The following SNRNP40 variants were observed in gnomAD, a reference collection of about 807,000 sequenced individuals.
The protein encoded by SNRNP40 is small nuclear ribonucleoprotein U5 subunit 40.
Under a neutral mutation model 45.8 loss-of-function variants are expected in SNRNP40, and 21 were observed. The observed-to-expected ratio is 0.46, with a 90% CI of 0.32 to 0.66. The LOEUF (loss-of-function observed/expected upper bound fraction) is 0.66, where lower values mean the gene tolerates loss of function less well. Among genes scored for constraint, SNRNP40 ranks in the 30% least tolerant of loss-of-function variants. The pLI is 0.03. For missense variants in SNRNP40, 344 were observed against 439.1 expected, an observed-to-expected ratio of 0.78 and a Z score of 1.94; for synonymous variants, 142 against 163.8, an observed-to-expected ratio of 0.87 and a Z score of 1.01.
intron 8 of SNRNP40, among the ~76,000 whole-genome samples, chr1:31,264,757 T>A (rs368260048): frequency 6.6e-6 from 1 of 152,120 alleles, no homozygotes; most frequent in African/African-American, 2.4e-5. Flanking sequence ...AGTTTCAAGT[T>A]TGAATATGAG....
At chr1:31,276,487 G>A (rs1048564802) in intron 5 of SNRNP40, among the ~76,000 whole-genome samples, 3 of 151,964 alleles carry the variant, frequency 2.0e-5, no homozygotes, top group Non-Finnish European at 1.5e-5. Flanking sequence ...CTTTCCAGAA[G>A]AGATATCTAT....
At position 31,268,281 on chromosome 1, in the gene SNRNP40, T is replaced by A. The variant is rs1645913342; in HGVS notation, c.859-349A>T. ...CACGCAAACCCAACAAATAATAAAT[T>A]TTGGGTTTTTTTTTTTTTTGAGACA... On this transcript the variant is annotated intron_variant, in intron 7 of 9. Transcript: ENST00000263694. Among the ~76,000 whole-genome samples the A allele has an allele frequency of 3.7e-5, 5 of 134,558 alleles. No homozygotes were observed. The South Asian group carries it at 1.3e-3, about 34-fold the overall frequency. The allele number at this position is 134,558 out of a possible 152,430, so 88.3% of individuals were successfully genotyped here. A position where few individuals can be genotyped will look rare whatever the true frequency, so the allele number is the denominator to read the frequency against.
intron 6 of SNRNP40, chr1:31,269,456 G>A: frequency 8.5e-7 from 1 of 1,171,450 alleles, no homozygotes; most frequent in Non-Finnish European, 1.1e-6. Context: ...TAGCTGAGGG[G>A]GCAGGAAGGA....
chr1:31,260,763 G>T (rs1645852760), intron 9 of SNRNP40, among the ~76,000 whole-genome samples: 1 of 151,212 alleles, frequency 6.6e-6, no homozygotes. Flanking sequence ...TTGGGAGGCT[G>T]AGGCAGGAGA....
chr1:31,261,170 G>A (rs1360434337), intron 9 of SNRNP40: 7 of 353,064 alleles, frequency 2.0e-5, no homozygotes, highest in African/African-American at 7.0e-5. Context: ...GTGAAACCCC[G>A]TCTCTACTAA....
rs764784680 is a variant in SNRNP40, at chr1:31,271,372, A to G, written c.775+7T>C. On this transcript the variant is annotated splice_region_variant and intron_variant, in intron 6 of 9. Coordinates refer to ENST00000263694, the MANE Select transcript of SNRNP40 (RefSeq NM_004814.3). ...GATCCTGGGAGAGATTTCCTTTCCA[A>G]AGTTACCTGTATTGTCCATTGCATT... is the stretch of plus-strand genomic sequence containing the variant. 1 of 1,599,812 alleles carries G rather than the reference A, an allele frequency of 6.3e-7. No individual in the cohort carries two copies. The highest frequency in any genetic ancestry group is 8.5e-7 in the Non-Finnish European group (1 of 1,176,344).
intron 8 of SNRNP40, chr1:31,261,858 CTG>C (rs1645861326): frequency 2.6e-6 from 1 of 385,324 alleles, no homozygotes; most frequent in African/African-American, 2.1e-5. Context: ...ATAAGCATGA[CTG>C]GCATGTTTGA....
At chr1:31,274,310 C>T (rs1645959969) in intron 5 of SNRNP40, among the ~76,000 whole-genome samples, 1 of 152,120 alleles carries the variant, frequency 6.6e-6, no homozygotes, top group African/African-American at 2.4e-5. Flanking sequence ...AATCTCGGCT[C>T]ACTGCAACCT....
At chr1:31,279,410 GATA>G (rs928630421) in intron 5 of SNRNP40, among the ~76,000 whole-genome samples, 26 of 152,360 alleles carry the variant, frequency 1.7e-4, no homozygotes, top group African/African-American at 6.0e-4. Context: ...CTATGTGTTA[GATA>G]ATGATGATAA....
At chr1:31,293,661 A>AGCT (rs1266478140) in intron 1 of SNRNP40, among the ~76,000 whole-genome samples, 1 of 152,174 alleles carries the variant, frequency 6.6e-6, no homozygotes, top group Non-Finnish European at 1.5e-5. Flanking sequence ...GGTTCACTGC[A>AGCT]GCTTCAAACT....
intron 5 of SNRNP40, 24 bp downstream of exon 5, chr1:31,281,350 A>G: frequency 6.5e-7 from 1 of 1,549,616 alleles, no homozygotes; most frequent in Non-Finnish European, 8.8e-7. Context: ...TGAAATGGAA[A>G]TATATCATAA....
intron 8 of SNRNP40, among the ~76,000 whole-genome samples, chr1:31,266,990 T>C (rs555079390): frequency 1.4e-4 from 21 of 152,328 alleles, no homozygotes; most frequent in African/African-American, 4.8e-4. Context: ...AAAGTTTAGA[T>C]GTATGAAATG....
At chr1:31,276,928 G>T (rs1201089170) in intron 5 of SNRNP40, among the ~76,000 whole-genome samples, 1 of 152,110 alleles carries the variant, frequency 6.6e-6, no homozygotes, top group African/African-American at 2.4e-5. Context: ...CAGCTACTCG[G>T]GAGGCTGAGG....
intron 5 of SNRNP40, among the ~76,000 whole-genome samples, chr1:31,272,111 G>T (rs1645943195): frequency 6.6e-6 from 1 of 152,096 alleles, no homozygotes; most frequent in Middle Eastern, 3.2e-3. Context: ...AAATGGCTAT[G>T]ATTCTTAGCC....
intron 4 of SNRNP40, among the ~76,000 whole-genome samples, chr1:31,285,911 T>C (rs574489648): frequency 3.3e-5 from 5 of 152,316 alleles, no homozygotes; most frequent in African/African-American, 9.6e-5. Flanking sequence ...TCCTAGCAAA[T>C]GGTTCATGAT....
intron 4 of SNRNP40, among the ~76,000 whole-genome samples, chr1:31,286,407 T>A (rs1179940708): frequency 6.6e-6 from 1 of 152,174 alleles, no homozygotes; most frequent in African/African-American, 2.4e-5. Context: ...CCTACTTGAA[T>A]TGTGATTCCC....
At chr1:31,282,268 A>G (rs1196689168) in intron 4 of SNRNP40, 2 of 152,180 alleles carry the variant, frequency 1.3e-5, no homozygotes, top group Non-Finnish European at 2.9e-5. Flanking sequence ...GGATGAGCCC[A>G]AAGGACTTAC....
chr1:31,280,808 A>C (rs1219848247), intron 5 of SNRNP40, among the ~76,000 whole-genome samples: 1 of 151,852 alleles, frequency 6.6e-6, no homozygotes, highest in African/African-American at 2.4e-5. Flanking sequence ...CCATTCACAC[A>C]AGAAAAAGAG....
chr1:31,261,310 C>G, intron 9 of SNRNP40: 1 of 536,120 alleles, frequency 1.9e-6, no homozygotes, highest in Non-Finnish European at 3.3e-6. Flanking sequence ...AAGATTGCAC[C>G]ATTGCTCCAA....
Sources: allele counts gnomAD v4.1 joint callset (sites outside exome capture counted in the v4.1 genomes callset), GRCh38; gene constraint gnomAD v4.1.1; transcripts MANE v1.5; gene names NCBI Gene and HGNC (gene_info 2026-07-23, HGNC 2026-07-21).